Variants in STK3 observed in about 807,000 individuals in gnomAD.
The protein encoded by STK3 is serine/threonine-protein kinase 3.
STK3 carries 41 observed loss-of-function variants against 58.0 expected under a neutral mutation model. The observed-to-expected ratio is 0.71, with a 90% CI of 0.55 to 0.92. The LOEUF is 0.92. STK3 is among the 40% of genes least tolerant of loss of function. The pLI is 0.00. For missense variants in STK3, 479 were observed against 602.7 expected (o/e 0.79, Z 2.15); for synonymous variants, 170 against 191.0 (o/e 0.89, Z 0.91).
At chr8:98,724,020 G>A (rs1276849372) in intron 4 of STK3, among the ~76,000 whole-genome samples, 1 of 152,146 alleles carries the variant, frequency 6.6e-6, no homozygotes, top group Non-Finnish European at 1.5e-5. Flanking sequence ...AAACAGAACT[G>A]TAGAAGGTAG....
chr8:98,699,906 G>C (rs1563905499), intron 6 of STK3, among the ~76,000 whole-genome samples: 1 of 152,154 alleles, frequency 6.6e-6, no homozygotes, highest in Non-Finnish European at 1.5e-5. Context: ...TGTCAGACAG[G>C]GACATTTAAG....
At chr8:98,688,580 A>G (rs1322720115) in intron 6 of STK3, among the ~76,000 whole-genome samples, 3 of 152,226 alleles carry the variant, frequency 2.0e-5, no homozygotes, top group Non-Finnish European at 4.4e-5. Context: ...ATCTTTTCAG[A>G]CCACAATGGA....
chr8:98,702,600 C>T (rs1442326033), intron 6 of STK3, among the ~76,000 whole-genome samples: 3 of 152,282 alleles, frequency 2.0e-5, no homozygotes, highest in South Asian at 2.1e-4. Flanking sequence ...TACCTAAACA[C>T]GGTAAAAGGC....
chr8:98,665,182 T>C (rs1156529962), intron 6 of STK3, among the ~76,000 whole-genome samples: 1 of 152,220 alleles, frequency 6.6e-6, no homozygotes, highest in Non-Finnish European at 1.5e-5. Context: ...ACTTGAAAGG[T>C]ATTACATCTT....
At chr8:98,784,575 C>T (rs1832335099) in intron 1 of STK3, among the ~76,000 whole-genome samples, 1 of 152,132 alleles carries the variant, frequency 6.6e-6, no homozygotes, top group Non-Finnish European at 1.5e-5. Context: ...AACCACCTCA[C>T]CCTTCATGGA....
At chr8:98,583,440 G>A (rs1053449736) in intron 7 of STK3, among the ~76,000 whole-genome samples, 28 of 144,172 alleles carry the variant, frequency 1.9e-4, no homozygotes, top group Admixed American at 7.0e-5. Flanking sequence ...TAAAAATACT[G>A]CATTGACATT....
At chr8:98,507,337 G>A (rs1283568740) in intron 10 of STK3, among the ~76,000 whole-genome samples, 1 of 152,112 alleles carries the variant, frequency 6.6e-6, no homozygotes, top group Non-Finnish European at 1.5e-5. Context: ...CACCATCCTG[G>A]CTGTTCAAAC....
At chr8:98,803,382 G>A (rs188500875) in intron 1 of STK3, among the ~76,000 whole-genome samples, 132 of 152,060 alleles carry the variant, frequency 8.7e-4, no homozygotes, top group African/African-American at 3.0e-3. Flanking sequence ...ACGAGGTCAG[G>A]AGATGGAGAC....
intron 3 of STK3, among the ~76,000 whole-genome samples, chr8:98,761,450 T>A (rs1768403364): frequency 6.6e-6 from 1 of 152,208 alleles, no homozygotes; most frequent in South Asian, 2.1e-4. Context: ...AAATAGTAAC[T>A]TGAATTTCAT....
intron 1 of STK3, among the ~76,000 whole-genome samples, chr8:98,911,887 T>C (rs1839151385): frequency 6.6e-6 from 1 of 152,224 alleles, no homozygotes. Flanking sequence ...TTAGTTTCTA[T>C]AGTAGTGCTT....
At chr8:98,893,482 GAAAGAGAAAGAA>G (rs1392876821) in intron 1 of STK3, among the ~76,000 whole-genome samples, 1,161 of 55,924 alleles carry the variant, frequency 0.021, 14 homozygotes, top group Middle Eastern at 0.033. Flanking sequence ...AAGAAAGAAA[GAAAGAGAAAGAA>G]AGAAAGAAAG....
chr8:98,856,085 G>A (rs1836661079), intron 3 of STK3, among the ~76,000 whole-genome samples: 1 of 149,140 alleles, frequency 6.7e-6, no homozygotes, highest in African/African-American at 2.5e-5. Flanking sequence ...AACCCAGGAG[G>A]CGGAGGTTGC....
chr8:98,867,623 T>G (rs934470721), intron 3 of STK3, among the ~76,000 whole-genome samples: 2 of 151,542 alleles, frequency 1.3e-5, no homozygotes, highest in African/African-American at 4.8e-5. Flanking sequence ...TTGTCAGAAA[T>G]GGATCAGAAG....
intron 1 of STK3, among the ~76,000 whole-genome samples, chr8:98,915,595 T>C (rs554221118): frequency 6.6e-6 from 1 of 151,866 alleles, no homozygotes; most frequent in South Asian, 2.1e-4. Context: ...AATTATTTTA[T>C]CATTTGAGAA....
chr8:98,526,139 T>G (rs1017918378), intron 10 of STK3, among the ~76,000 whole-genome samples: 1 of 151,950 alleles, frequency 6.6e-6, no homozygotes, highest in Admixed American at 6.6e-5. Flanking sequence ...TTTAAAATAG[T>G]TCATCTGTAT....
intron 4 of STK3, among the ~76,000 whole-genome samples, chr8:98,716,368 C>T (rs1827014603): frequency 6.6e-6 from 1 of 151,536 alleles, no homozygotes; most frequent in Non-Finnish European, 1.5e-5. Context: ...TTATACATTA[C>T]CAATGAGCAA....
chr8:98,765,069 T>C (rs1408822790), intron 3 of STK3, among the ~76,000 whole-genome samples: 2 of 152,214 alleles, frequency 1.3e-5, no homozygotes, highest in African/African-American at 4.8e-5. Context: ...AGGGAAGAGA[T>C]ATGTAATAGT....
At chr8:98,741,765 T>C (rs567709478) in intron 4 of STK3, among the ~76,000 whole-genome samples, 1 of 150,748 alleles carries the variant, frequency 6.6e-6, no homozygotes, top group African/African-American at 2.4e-5. Context: ...CTGAAGGAAA[T>C]AGAGACACAA....
intron 6 of STK3, among the ~76,000 whole-genome samples, chr8:98,650,728 C>T (rs1159072748): frequency 6.6e-6 from 1 of 152,194 alleles, no homozygotes; most frequent in South Asian, 2.1e-4. Context: ...CACGGAGTCT[C>T]GCTGATTGCT....
Sources: allele counts gnomAD v4.1 joint callset (sites outside exome capture counted in the v4.1 genomes callset), GRCh38; gene constraint gnomAD v4.1.1; transcripts MANE v1.5; gene names NCBI Gene and HGNC (gene_info 2026-07-23, HGNC 2026-07-21).